RALYL: variants seen among roughly 807,000 people sequenced by gnomAD.
RALYL encodes RNA-binding Raly-like protein.
Under a neutral mutation model 35.1 loss-of-function variants are expected in RALYL, and 29 were observed. That is an observed-to-expected ratio of 0.83 (90% confidence interval 0.61 to 1.13). RALYL has a LOEUF of 1.13. Among genes scored for constraint, RALYL ranks in the 50% most tolerant of loss-of-function variants. The pLI is 0.00. For synonymous variants in RALYL, 120 were observed against 127.6 expected (o/e 0.94, Z 0.40); for missense variants, 359 against 360.4 (o/e 1.00, Z 0.03).
At chr8:84,687,199 A>C (rs1836985159) in intron 2 of RALYL, among the ~76,000 whole-genome samples, 1 of 152,170 alleles carries the variant, frequency 6.6e-6, no homozygotes, top group South Asian at 2.1e-4. Flanking sequence ...CAAAATACAA[A>C]ATGTATTCTT....
chr8:84,409,399 A>T (rs1345793843), intron 1 of RALYL, among the ~76,000 whole-genome samples: 2 of 152,050 alleles, frequency 1.3e-5, no homozygotes, highest in African/African-American at 4.8e-5. Flanking sequence ...GAGAAAAGGG[A>T]TGCTTTTAAT....
At chr8:84,756,173 A>G (rs1011307955) in intron 2 of RALYL, among the ~76,000 whole-genome samples, 1 of 152,058 alleles carries the variant, frequency 6.6e-6, no homozygotes, top group Non-Finnish European at 1.5e-5. Flanking sequence ...CCCCCAAAAA[A>G]ACCAATAAGA....
chr8:84,518,622 A>T (rs1209375920), intron 1 of RALYL, among the ~76,000 whole-genome samples: 1 of 152,320 alleles, frequency 6.6e-6, no homozygotes, highest in East Asian at 1.9e-4. Context: ...GTTGGTAGGA[A>T]GAAATTCACC....
At chr8:84,430,685 A>G (rs527871723) in intron 1 of RALYL, among the ~76,000 whole-genome samples, 16 of 152,202 alleles carry the variant, frequency 1.1e-4, no homozygotes, top group African/African-American at 3.4e-4. Flanking sequence ...ATGAATGACA[A>G]TTTTGAATTT....
At chr8:84,770,395 G>GT (rs1345655834) in intron 2 of RALYL, among the ~76,000 whole-genome samples, 8 of 100,676 alleles carry the variant, frequency 7.9e-5, no homozygotes, top group Admixed American at 4.5e-4. Context: ...TTATGGCTGA[G>GT]TAGTAGTCCA....
rs965165784 is a variant in RALYL, at chr8:84,919,807, AT to A, written c.859-1079del. ...GTTTTGTTTTAGATCAGTTTATTAAATTTTTTTTCATGTTAGACAGGTAATG... is the reference window on the plus strand; with the variant it reads ...GTTTTGTTTTAGATCAGTTTATTAAATTTTTTTCATGTTAGACAGGTAATG... On this transcript the variant is annotated intron_variant, in intron 8 of 8. Transcript: ENST00000521268. Among the ~76,000 whole-genome samples the A allele has an allele frequency of 3.9e-5, 6 of 151,940 alleles. No homozygotes were observed. In the South Asian group the frequency reaches 6.2e-4, roughly 16 times the overall value.
intron 1 of RALYL, among the ~76,000 whole-genome samples, chr8:84,494,778 C>T (rs1339011404): frequency 6.6e-6 from 1 of 152,084 alleles, no homozygotes; most frequent in South Asian, 2.1e-4. Flanking sequence ...AGTTGCTTAT[C>T]AGCTTAAGGA....
At chr8:84,324,147 CTT>C (rs1265553841) in intron 1 of RALYL, among the ~76,000 whole-genome samples, 1 of 152,016 alleles carries the variant, frequency 6.6e-6, no homozygotes, top group Non-Finnish European at 1.5e-5. Flanking sequence ...TAGAAGGTCT[CTT>C]TATTTTCACT....
intron 2 of RALYL, among the ~76,000 whole-genome samples, chr8:84,740,187 G>A (rs1382890756): frequency 6.6e-6 from 1 of 151,942 alleles, no homozygotes; most frequent in Non-Finnish European, 1.5e-5. Context: ...TACTTCGGGT[G>A]TGCATAACGT....
chr8:84,607,939 C>G (rs541636830), intron 2 of RALYL, among the ~76,000 whole-genome samples: 1 of 149,896 alleles, frequency 6.7e-6, no homozygotes, highest in East Asian at 2.0e-4. Context: ...TTTTTATTAG[C>G]TTCAACAGAC....
At chr8:84,424,369 C>T (rs1157486488) in intron 1 of RALYL, among the ~76,000 whole-genome samples, 3 of 87,708 alleles carry the variant, frequency 3.4e-5, no homozygotes, top group Non-Finnish European at 6.6e-5. Context: ...GCATTCTTCA[C>T]GTAGTTCTCG....
In RALYL at chr8:84,409,872, C is replaced by T. The variant is rs374002761; in HGVS notation, c.-23-119427C>T. ...AGTTTTAAAGTAATATTTCATCTTA[C>T]AATCCAGAAAACTCTTTTATATTCT... On this transcript the variant is annotated intron_variant, in intron 1 of 8. Transcript: ENST00000521268. Among the ~76,000 whole-genome samples, 8 of 152,042 alleles carry T rather than the reference C, an allele frequency of 5.3e-5. No homozygotes were observed. The East Asian group carries it at 1.2e-3, about 22-fold the overall frequency.
At chr8:84,459,787 G>A (rs942128426) in intron 1 of RALYL, among the ~76,000 whole-genome samples, 3 of 151,730 alleles carry the variant, frequency 2.0e-5, no homozygotes, top group African/African-American at 7.2e-5. Flanking sequence ...AATATCATCT[G>A]TTGGGAAATG....
intron 1 of RALYL, among the ~76,000 whole-genome samples, chr8:84,323,456 C>G (rs1288614342): frequency 2.6e-5 from 4 of 151,998 alleles, no homozygotes; most frequent in African/African-American, 7.2e-5. Flanking sequence ...AACTAAGTTT[C>G]TATAAAAGGC....
intron 1 of RALYL, among the ~76,000 whole-genome samples, chr8:84,229,035 T>G (rs1824687786): frequency 6.6e-6 from 1 of 152,210 alleles, no homozygotes; most frequent in Admixed American, 6.5e-5. Flanking sequence ...TAAGCACTTC[T>G]GCACCATTGC....
At chr8:84,229,163 T>C (rs1375508495) in intron 1 of RALYL, among the ~76,000 whole-genome samples, 1 of 152,212 alleles carries the variant, frequency 6.6e-6, no homozygotes, top group Non-Finnish European at 1.5e-5. Context: ...GCCATTTTGG[T>C]GGCCGAAATT....
At chr8:84,230,161 T>C (rs117043204) in intron 1 of RALYL, among the ~76,000 whole-genome samples, 1 of 152,248 alleles carries the variant, frequency 6.6e-6, no homozygotes, top group South Asian at 2.1e-4. Context: ...TATATAAGTA[T>C]AGAAATAGCT....
At chr8:84,647,382 G>A (rs1240481742) in intron 2 of RALYL, among the ~76,000 whole-genome samples, 1 of 152,026 alleles carries the variant, frequency 6.6e-6, no homozygotes, top group Non-Finnish European at 1.5e-5. Flanking sequence ...AAGATGAAAG[G>A]TCAGAGAAGT....
intron 2 of RALYL, among the ~76,000 whole-genome samples, chr8:84,633,171 T>C (rs1403544038): frequency 6.6e-6 from 1 of 151,872 alleles, no homozygotes; most frequent in Non-Finnish European, 1.5e-5. Context: ...GGCTGAGTCT[T>C]TAGTAAATCT....
Sources: gnomAD v4.1 joint callset for allele counts (sites outside exome capture counted in the v4.1 genomes callset) on GRCh38, gnomAD v4.1.1 for gene constraint, MANE v1.5 for transcripts, NCBI Gene and HGNC (gene_info 2026-07-23, HGNC 2026-07-21) for gene names.